Variants in C4orf17 observed in about 807,000 individuals in gnomAD.
The protein encoded by C4orf17 is chromosome 4 open reading frame 17.
A neutral mutation model predicts 32.0 loss-of-function variants in C4orf17; 25 were observed. The observed-to-expected ratio is 0.78, with a 90% CI of 0.57 to 1.09. The LOEUF (loss-of-function observed/expected upper bound fraction) is 1.09, where lower values mean the gene tolerates loss of function less well. Ranked by LOEUF, C4orf17 falls within the 50% of genes least tolerant of loss-of-function variation. C4orf17 has a pLI of 0.00. For synonymous variants in C4orf17, 149 were observed against 145.8 expected, an observed-to-expected ratio of 1.02 and a Z score of -0.16; for missense variants, 420 against 420.0, an observed-to-expected ratio of 1.00 and a Z score of 0.00.
chr4:99,514,807 C>A (rs546111376), intron 2 of C4orf17, among the ~76,000 whole-genome samples: 2 of 152,268 alleles, frequency 1.3e-5, no homozygotes, highest in Non-Finnish European at 2.9e-5. Flanking sequence ...CATGTACATG[C>A]ATGTTTATAC....
intron 5 of C4orf17, among the ~76,000 whole-genome samples, chr4:99,536,487 A>C (rs937377068): frequency 3.9e-5 from 6 of 152,180 alleles, no homozygotes; most frequent in Non-Finnish European, 5.9e-5. Flanking sequence ...CCACTTAAAG[A>C]AGCAGTCTGG....
At chr4:99,511,661 T>G (rs1437284214) in intron 1 of C4orf17, among the ~76,000 whole-genome samples, 3 of 152,114 alleles carry the variant, frequency 2.0e-5, no homozygotes, top group African/African-American at 7.2e-5. Flanking sequence ...TTAATGTCTT[T>G]TTCACTCTCC....
intron 6 of C4orf17, 26 bp from the exon 7 acceptor site, chr4:99,539,137 C>T (rs774986733): frequency 1.2e-6 from 2 of 1,604,600 alleles, no homozygotes; most frequent in Non-Finnish European, 1.7e-6. Flanking sequence ...TTCACTCCTC[C>T]CACCCTTTTT....
intron 5 of C4orf17, among the ~76,000 whole-genome samples, chr4:99,536,905 C>A (rs1407462093): frequency 6.6e-6 from 1 of 152,066 alleles, no homozygotes; most frequent in Non-Finnish European, 1.5e-5. Flanking sequence ...TAGTCACGAA[C>A]CTTTTGGAAG....
intron 2 of C4orf17, among the ~76,000 whole-genome samples, chr4:99,517,323 G>T (rs567181421): frequency 6.6e-6 from 1 of 152,144 alleles, no homozygotes; most frequent in Non-Finnish European, 1.5e-5. Context: ...ACAGCAAGGG[G>T]AATGGATTCA....
intron 2 of C4orf17, among the ~76,000 whole-genome samples, chr4:99,518,714 C>A (rs1723238398): frequency 6.7e-6 from 1 of 150,348 alleles, no homozygotes; most frequent in Admixed American, 6.6e-5. Flanking sequence ...GCCTCATCTC[C>A]TATCAACTCC....
Position 99,526,096 on chromosome 4 carries a change from G to A in C4orf17, c.402+1511G>A, listed in dbSNP as rs149314974. Among the ~76,000 whole-genome samples, 156 of 152,276 alleles carry A rather than the reference G, an allele frequency of 1.0e-3. 3 individuals are homozygous for A. Among genetic ancestry groups the A allele is most frequent in the Middle Eastern group, 6.8e-3 (2 of 294 alleles). ...TTGTACCTGATCGTAGGAGGAAAGC[G>A]TTCAGACTTTCACCATTAAATATTA... On this transcript the variant is annotated intron_variant, in intron 4 of 8. Coordinates refer to ENST00000326581, the MANE Select transcript of C4orf17 (RefSeq NM_032149.3).
chr4:99,535,382 G>GT (rs1403984633), intron 5 of C4orf17, among the ~76,000 whole-genome samples: 4 of 151,552 alleles, frequency 2.6e-5, no homozygotes, highest in Admixed American at 1.3e-4. Context: ...CCAATCAGTT[G>GT]TAAGTTCAGT....
intron 5 of C4orf17, among the ~76,000 whole-genome samples, chr4:99,532,245 G>A (rs1035231201): frequency 3.9e-5 from 6 of 152,026 alleles, no homozygotes; most frequent in African/African-American, 1.2e-4. Context: ...AAAGACACCC[G>A]CACTGGCATG....
Position 99,512,996 on chromosome 4 carries a change from GC to G in C4orf17, c.-85del. 1 of 1,418,258 alleles carries G rather than the reference GC, an allele frequency of 7.1e-7. No homozygotes were observed. The highest frequency in any genetic ancestry group is 9.8e-7 in the Non-Finnish European group (1 of 1,015,988). The allele number at this position is 1,418,258 out of a possible 1,614,324, so 87.9% of individuals were successfully genotyped here. A position where few individuals can be genotyped will look rare whatever the true frequency, so the allele number is the denominator to read the frequency against. On this transcript the variant is annotated 5_prime_UTR_variant, in exon 2 of 9. Transcript: ENST00000326581. ...GTCATTTTGTGATTTCAGGGTCTGA[GC>G]ACATCTGGAAGTGAGGTCAATCAAG... is the stretch of plus-strand genomic sequence containing the variant.
intron 2 of C4orf17, among the ~76,000 whole-genome samples, chr4:99,515,093 C>A (rs1578185952): frequency 6.6e-6 from 1 of 152,114 alleles, no homozygotes; most frequent in Admixed American, 6.5e-5. Context: ...GACTTAGGGA[C>A]TCAGTGGGAA....
intron 5 of C4orf17, among the ~76,000 whole-genome samples, chr4:99,531,598 A>G (rs1462536939): frequency 2.0e-5 from 3 of 152,092 alleles, no homozygotes; most frequent in Admixed American, 1.3e-4. Flanking sequence ...ACACTAAAAT[A>G]TAAACTCTTT....
intron 4 of C4orf17, among the ~76,000 whole-genome samples, chr4:99,526,566 T>G (rs947814866): frequency 6.6e-6 from 1 of 152,088 alleles, no homozygotes; most frequent in Non-Finnish European, 1.5e-5. Context: ...CCTTAAAAGT[T>G]TAGTAGAAAT....
chr4:99,526,095 C>T lies in C4orf17; in HGVS notation c.402+1510C>T, dbSNP rs564217956. On this transcript the variant is annotated intron_variant, in intron 4 of 8. Transcript: ENST00000326581. ...CTTGTACCTGATCGTAGGAGGAAAG[C>T]GTTCAGACTTTCACCATTAAATATT... Among the ~76,000 whole-genome samples the T allele has an allele frequency of 2.0e-5, 3 of 152,260 alleles. No individual in the cohort carries two copies. The East Asian group carries it at 5.8e-4, about 29-fold the overall frequency.
chr4:99,539,204 G>A lies in C4orf17; in HGVS notation c.670G>A (p.Glu224Lys), dbSNP rs757175249. Residue 224 changes from glutamate to lysine, a missense_variant, in exon 7 of 9, where the codon GAG (glutamate) becomes AAG (lysine). Transcript: ENST00000326581. ...AGCTTTGATTCATTCTGAGCTTGCC[G>A]AGATAAACCTGTTAACTCATCACAG... ...VSALIHSELA[E>K]INLLTHHRRN... 9.3e-6 allele frequency: 15 copies of A among 1,613,910 alleles called. No homozygotes were observed. Among genetic ancestry groups the A allele is most frequent in the Middle Eastern group, 3.3e-4 (2 of 6,082 alleles).
chr4:99,511,731 A>G (rs1193326028), intron 1 of C4orf17, among the ~76,000 whole-genome samples: 1 of 152,126 alleles, frequency 6.6e-6, no homozygotes, highest in African/African-American at 2.4e-5. Flanking sequence ...TACTGGCTTA[A>G]TTGTACAAAA....
chr4:99,519,918 G>A (rs946092777), intron 2 of C4orf17, among the ~76,000 whole-genome samples: 1 of 152,100 alleles, frequency 6.6e-6, no homozygotes, highest in African/African-American at 2.4e-5. Flanking sequence ...GCTAGGTGAT[G>A]AGCAAAGACA....
At position 99,542,231 on chromosome 4, in the gene C4orf17, G is replaced by A; in HGVS notation, c.*122G>A. On this transcript the variant is annotated 3_prime_UTR_variant, in exon 9 of 9. Coordinates refer to ENST00000326581, the MANE Select transcript of C4orf17 (RefSeq NM_032149.3). ...AGTGGTCCTCTTTATGGTGGCACAT[G>A]TAAATCTAAAAATACCTGTATGTAA... The A allele has an allele frequency of 1.3e-6, 1 of 783,134 alleles. No homozygotes were observed. Among genetic ancestry groups the A allele is most frequent in the South Asian group, 1.6e-5 (1 of 62,490 alleles). 48.5% of individuals were successfully genotyped at this position (783,134 alleles called of 1,614,324 possible).
chr4:99,532,923 G>T (rs1441200552), intron 5 of C4orf17, among the ~76,000 whole-genome samples: 1 of 152,194 alleles, frequency 6.6e-6, no homozygotes, highest in East Asian at 1.9e-4. Flanking sequence ...AAGATAAAGA[G>T]AAGTGTGGAA....
Sources: allele counts gnomAD v4.1 joint callset (sites outside exome capture counted in the v4.1 genomes callset), GRCh38; gene constraint gnomAD v4.1.1; transcripts MANE v1.5; gene names NCBI Gene and HGNC (gene_info 2026-07-23, HGNC 2026-07-21).